RANBP10: variants seen among roughly 807,000 people sequenced by gnomAD.
RANBP10 encodes ran-binding protein 10.
A neutral mutation model predicts 72.8 loss-of-function variants in RANBP10; 24 were observed. The ratio of observed to expected loss-of-function variants is 0.33; its 90% confidence interval spans 0.24 to 0.46. RANBP10 has a LOEUF of 0.46. Ranked by LOEUF, RANBP10 falls within the 20% of genes least tolerant of loss-of-function variation. The pLI, the probability that RANBP10 is intolerant of heterozygous loss-of-function variation, is 1.00. For synonymous variants in RANBP10, 310 were observed against 322.3 expected (o/e 0.96, Z 0.41); for missense variants, 679 against 817.5 (o/e 0.83, Z 2.07).
chr16:67,769,962 G>C (rs956771774), intron 3 of RANBP10, among the ~76,000 whole-genome samples: 1 of 151,636 alleles, frequency 6.6e-6, no homozygotes, highest in African/African-American at 2.4e-5. Context: ...CTAAAGGGGA[G>C]AATGAGGTGG....
At chr16:67,783,693 T>A (rs2054855188) in intron 2 of RANBP10, among the ~76,000 whole-genome samples, 1 of 152,160 alleles carries the variant, frequency 6.6e-6, no homozygotes, top group South Asian at 2.1e-4. Context: ...AAATGTGCAG[T>A]GCCCAGATGC....
rs180905324 is a variant in RANBP10, at chr16:67,783,196, C to T, written c.348-11110G>A. Among the ~76,000 whole-genome samples, 3 of 152,292 alleles carry T rather than the reference C, an allele frequency of 2.0e-5. No individual in the cohort carries two copies. The East Asian group carries it at 5.8e-4, about 29-fold the overall frequency. ...AGCACACACGCAGGAGACCCTGCTGCAGTGAGACAGATTTGGCACAGCTCC... is the reference window on the plus strand; with the variant it reads ...AGCACACACGCAGGAGACCCTGCTGTAGTGAGACAGATTTGGCACAGCTCC... On this transcript the variant is annotated intron_variant, in intron 2 of 13. Coordinates refer to ENST00000317506, the MANE Select transcript of RANBP10 (RefSeq NM_020850.3).
chr16:67,749,244 C>T (rs2054148887), intron 3 of RANBP10, among the ~76,000 whole-genome samples: 1 of 152,202 alleles, frequency 6.6e-6, no homozygotes, highest in Non-Finnish European at 1.5e-5. Flanking sequence ...AAGTTGTCCC[C>T]TTGGTCACAG....
chr16:67,773,548 T>C (rs1170748727), intron 2 of RANBP10, among the ~76,000 whole-genome samples: 1 of 152,128 alleles, frequency 6.6e-6, no homozygotes, highest in Non-Finnish European at 1.5e-5. Context: ...GAGCAGCCTC[T>C]ACTACCAAAA....
chr16:67,793,944 A>G (rs1321767425), intron 2 of RANBP10, among the ~76,000 whole-genome samples: 2 of 151,824 alleles, frequency 1.3e-5, no homozygotes, highest in African/African-American at 2.4e-5. Context: ...CAGTAGCTCA[A>G]TCATAGCTCA....
intron 13 of RANBP10, among the ~76,000 whole-genome samples, 161 bp downstream of exon 13, chr16:67,727,166 C>T (rs1007550447): frequency 6.6e-6 from 1 of 152,224 alleles, no homozygotes; most frequent in Admixed American, 6.5e-5. Flanking sequence ...TGGTGGCACG[C>T]ACCTTAGTCC....
rs930620560 is a variant in RANBP10 at position 67,725,243 on chromosome 16, C to T, written c.*1185G>A. ...GGCAGTGAAGTCTGGCCTAGGGGAC[C>T]AAGGATTCCATCCACTCCCTGGAGT... On this transcript the variant is annotated 3_prime_UTR_variant, in exon 14 of 14. Transcript: ENST00000317506. The T allele has an allele frequency of 3.3e-5, 5 of 152,484 alleles. No individual in the cohort carries two copies. Among genetic ancestry groups the T allele is most frequent in the Non-Finnish European group, 7.3e-5 (5 of 68,146 alleles). 9.4% of individuals were successfully genotyped at this position (152,484 alleles called of 1,614,324 possible). A position where few individuals can be genotyped will look rare whatever the true frequency, so the allele number is the denominator to read the frequency against.
chr16:67,764,085 G>A (rs2054451487), intron 3 of RANBP10, among the ~76,000 whole-genome samples: 1 of 152,198 alleles, frequency 6.6e-6, no homozygotes, highest in Non-Finnish European at 1.5e-5. Context: ...GGGAGATGCA[G>A]ATTATCCTCT....
At chr16:67,732,735 T>C (rs980130090) in intron 6 of RANBP10, among the ~76,000 whole-genome samples, 3 of 151,974 alleles carry the variant, frequency 2.0e-5, no homozygotes, top group Non-Finnish European at 2.9e-5. Flanking sequence ...CTGGCCAACA[T>C]TGCAAGATCT....
At chr16:67,726,693 G>T in intron 13 of RANBP10, 135 bp from the exon 14 acceptor site, 1 of 1,133,090 alleles carries the variant, frequency 8.8e-7, no homozygotes, top group Middle Eastern at 2.3e-4. Flanking sequence ...CTGTGTAAGT[G>T]TGTCCCAGCC....
At chr16:67,801,927 T>G (rs1339113115) in intron 2 of RANBP10, among the ~76,000 whole-genome samples, 1 of 151,798 alleles carries the variant, frequency 6.6e-6, no homozygotes, top group Non-Finnish European at 1.5e-5. Flanking sequence ...AGACCCCATC[T>G]CTACAAAAAA....
rs543122668 is a variant in RANBP10, at chr16:67,784,943, C to T, written c.348-12857G>A. Among the ~76,000 whole-genome samples the T allele has an allele frequency of 2.8e-4, 43 of 151,908 alleles. No homozygotes were observed. In the South Asian group the frequency reaches 5.4e-3, roughly 19 times the overall value. On this transcript the variant is annotated intron_variant, in intron 2 of 13. Coordinates refer to ENST00000317506, the MANE Select transcript of RANBP10 (RefSeq NM_020850.3). ...AAAAAAAATAGGCTGGGTGCGGTGGCTCACGCCTGTAATCCCAGCACTTTG... is the reference window on the plus strand; with the variant it reads ...AAAAAAAATAGGCTGGGTGCGGTGGTTCACGCCTGTAATCCCAGCACTTTG...
rs139729414 is a variant in RANBP10, at chr16:67,791,830, T to A, written c.347+13598A>T. Among the ~76,000 whole-genome samples the A allele has an allele frequency of 1.2e-4, 18 of 152,254 alleles. No homozygotes were observed. In the East Asian group the frequency reaches 3.3e-3, roughly 28 times the overall value. The stretch of plus-strand genomic sequence containing the variant: ...CAACAACTGATATTTAGGTCTGAAA[T>A]GAGGGCTAATATTCAGTGCTAGGAA... On this transcript the variant is annotated intron_variant, in intron 2 of 13. Transcript: ENST00000317506.
intron 3 of RANBP10, among the ~76,000 whole-genome samples, chr16:67,755,683 C>CAAAA (rs58929828): frequency 3.7e-5 from 2 of 54,356 alleles, no homozygotes; most frequent in African/African-American, 6.6e-5. Context: ...GACTCTGCCT[C>CAAAA]AAAAAAAAAA....
At chr16:67,765,559 G>A (rs919819733) in intron 3 of RANBP10, among the ~76,000 whole-genome samples, 3 of 152,094 alleles carry the variant, frequency 2.0e-5, no homozygotes, top group African/African-American at 7.2e-5. Flanking sequence ...AGTCGGGGCT[G>A]GGTGCAGTGG....
intron 2 of RANBP10, among the ~76,000 whole-genome samples, chr16:67,789,771 A>G (rs1437164542): frequency 6.6e-6 from 1 of 151,532 alleles, no homozygotes; most frequent in African/African-American, 2.4e-5. Context: ...ATGCCCAGAC[A>G]ACCATATATC....
chr16:67,793,061 A>T (rs1319200725), intron 2 of RANBP10, among the ~76,000 whole-genome samples: 4 of 152,116 alleles, frequency 2.6e-5, no homozygotes, highest in Non-Finnish European at 5.9e-5. Flanking sequence ...CCACATTCAA[A>T]AACCCAAAGG....
At chr16:67,775,916 C>T (rs900411047) in intron 2 of RANBP10, among the ~76,000 whole-genome samples, 3 of 150,554 alleles carry the variant, frequency 2.0e-5, no homozygotes, top group African/African-American at 7.3e-5. Context: ...GAGGCCCAGG[C>T]GAGCGGATCA....
At chr16:67,790,308 G>C (rs1413285375) in intron 2 of RANBP10, among the ~76,000 whole-genome samples, 1 of 151,716 alleles carries the variant, frequency 6.6e-6, no homozygotes, top group East Asian at 1.9e-4. Context: ...AGGAGAAATG[G>C]AGAATTACTG....
Sources: allele counts gnomAD v4.1 joint callset (sites outside exome capture counted in the v4.1 genomes callset), GRCh38; gene constraint gnomAD v4.1.1; transcripts MANE v1.5; gene names NCBI Gene and HGNC (gene_info 2026-07-23, HGNC 2026-07-21).